CCSER1: variants seen among roughly 807,000 people sequenced by gnomAD.
CCSER1 encodes the protein serine-rich coiled-coil domain-containing protein 1.
A neutral mutation model predicts 82.0 loss-of-function variants in CCSER1; 41 were observed. The observed-to-expected ratio is 0.50, with a 90% CI of 0.39 to 0.65. The LOEUF (loss-of-function observed/expected upper bound fraction) is 0.65, where lower values mean the gene tolerates loss of function less well. Among genes scored for constraint, CCSER1 ranks in the 30% least tolerant of loss-of-function variants. The pLI is 0.00. For synonymous variants in CCSER1, 414 were observed against 383.9 expected, an observed-to-expected ratio of 1.08 and a Z score of -0.92; for missense variants, 1,119 against 1,064.2, an observed-to-expected ratio of 1.05 and a Z score of -0.72.
At chr4:91,406,708 G>T (rs915535182) in intron 10 of CCSER1, among the ~76,000 whole-genome samples, 1 of 152,116 alleles carries the variant, frequency 6.6e-6, no homozygotes, top group Non-Finnish European at 1.5e-5. Flanking sequence ...TAGTTAAAAT[G>T]ATAATATCTT....
chr4:90,479,623 G>A (rs527637570), intron 5 of CCSER1, among the ~76,000 whole-genome samples: 10 of 151,998 alleles, frequency 6.6e-5, no homozygotes, highest in South Asian at 2.1e-4. Flanking sequence ...GAGAATATGC[G>A]GTGTTTGGTT....
intron 1 of CCSER1, among the ~76,000 whole-genome samples, chr4:90,234,095 T>C (rs1253538840): frequency 6.6e-6 from 1 of 152,114 alleles, no homozygotes. Flanking sequence ...ATAATAATAT[T>C]AGGCAGCCTT....
chr4:91,147,800 A>C (rs1729697469), intron 10 of CCSER1, among the ~76,000 whole-genome samples: 1 of 152,242 alleles, frequency 6.6e-6, no homozygotes, highest in Non-Finnish European at 1.5e-5. Context: ...ATAAAAATGT[A>C]CTGTCTGTTA....
At chr4:91,034,400 G>A (rs1741255207) in intron 9 of CCSER1, among the ~76,000 whole-genome samples, 1 of 152,042 alleles carries the variant, frequency 6.6e-6, no homozygotes, top group Non-Finnish European at 1.5e-5. Context: ...AATATGTAAA[G>A]CTTCATCTCA....
chr4:91,599,966 AT>A lies in CCSER1; in HGVS notation c.*910del, dbSNP rs1560793220. ...TTCTTTACTTTCCTTATTTTTTAAA[AT>A]GTTCTTTTTTATGTAAATCCAATTT... On this transcript the variant is annotated 3_prime_UTR_variant, in exon 11 of 11. Coordinates refer to ENST00000509176, the MANE Select transcript of CCSER1 (RefSeq NM_001145065.2). The A allele has an allele frequency of 6.6e-6, 1 of 152,148 alleles. No homozygotes were observed. Among genetic ancestry groups the A allele is most frequent in the Non-Finnish European group, 1.5e-5 (1 of 68,006 alleles). The allele number at this position is 152,148 out of a possible 1,614,324, so 9.4% of individuals were successfully genotyped here.
At chr4:91,413,857 A>T (rs750898406) in intron 10 of CCSER1, among the ~76,000 whole-genome samples, 2 of 152,082 alleles carry the variant, frequency 1.3e-5, no homozygotes, top group East Asian at 3.8e-4. Flanking sequence ...CTCAGCAAAA[A>T]CCTTACAAGC....
chr4:90,869,737 G>A (rs535847733), intron 8 of CCSER1, among the ~76,000 whole-genome samples: 3 of 151,082 alleles, frequency 2.0e-5, no homozygotes, highest in African/African-American at 4.9e-5. Flanking sequence ...TTCTATTTCA[G>A]TGGAAGGTCA....
At chr4:91,110,792 G>T (rs925381600) in intron 10 of CCSER1, among the ~76,000 whole-genome samples, 2 of 151,798 alleles carry the variant, frequency 1.3e-5, no homozygotes, top group Non-Finnish European at 2.9e-5. Context: ...TAAGAGTTGG[G>T]TTTACAGCAA....
chr4:90,150,675 T>A (rs574054170), intron 1 of CCSER1, among the ~76,000 whole-genome samples: 1 of 152,292 alleles, frequency 6.6e-6, no homozygotes, highest in African/African-American at 2.4e-5. Context: ...GTGATCATTT[T>A]ATGTATAGGA....
chr4:90,799,441 T>A (rs1332213600), intron 7 of CCSER1, among the ~76,000 whole-genome samples: 4 of 152,100 alleles, frequency 2.6e-5, no homozygotes, highest in Non-Finnish European at 4.4e-5. Flanking sequence ...GAAGCTACAG[T>A]ATGGGGAGAG....
intron 10 of CCSER1, among the ~76,000 whole-genome samples, chr4:91,454,192 C>T (rs558222341): frequency 3.0e-4 from 45 of 152,188 alleles, no homozygotes; most frequent in Non-Finnish European, 5.9e-4. Context: ...TATTCTCTTA[C>T]AGTTCTGGAA....
At chr4:90,838,468 A>G (rs1762089297) in intron 8 of CCSER1, among the ~76,000 whole-genome samples, 1 of 149,848 alleles carries the variant, frequency 6.7e-6, no homozygotes, top group Admixed American at 6.7e-5. Context: ...GTATTTAAAT[A>G]TAAATATTTC....
chr4:91,235,327 TTTC>T (rs765139110), intron 10 of CCSER1, among the ~76,000 whole-genome samples: 15 of 152,146 alleles, frequency 9.9e-5, no homozygotes, highest in Non-Finnish European at 2.1e-4. Context: ...CCAAGTATCC[TTTC>T]TTCAACTGTA....
At chr4:90,166,140 A>G (rs1224706109) in intron 1 of CCSER1, among the ~76,000 whole-genome samples, 1 of 152,046 alleles carries the variant, frequency 6.6e-6, no homozygotes, top group Non-Finnish European at 1.5e-5. Context: ...CTTTCAGTAC[A>G]GTATTTAATA....
At chr4:90,869,478 T>C (rs1198750067) in intron 8 of CCSER1, among the ~76,000 whole-genome samples, 2 of 152,056 alleles carry the variant, frequency 1.3e-5, no homozygotes, top group Non-Finnish European at 2.9e-5. Flanking sequence ...TAATTTATGT[T>C]CTTGTCACCT....
At chr4:91,551,554 T>G (rs150847702) in intron 10 of CCSER1, among the ~76,000 whole-genome samples, 119 of 152,110 alleles carry the variant, frequency 7.8e-4, no homozygotes, top group Middle Eastern at 6.8e-3. Context: ...AGGGATTTTA[T>G]TAACACCAAT....
chr4:90,944,923 A>G (rs1732049119), intron 9 of CCSER1, among the ~76,000 whole-genome samples: 2 of 152,198 alleles, frequency 1.3e-5, no homozygotes, highest in Non-Finnish European at 2.9e-5. Context: ...CATGAATGGT[A>G]AATCATGTCT....
At chr4:90,616,680 GTCTCAC>G (rs1721271726) in intron 5 of CCSER1, among the ~76,000 whole-genome samples, 1 of 120,882 alleles carries the variant, frequency 8.3e-6, no homozygotes, top group Admixed American at 9.2e-5. Context: ...GTGTGGCTCT[GTCTCAC>G]ACACACACAC....
At chr4:90,649,046 A>G (rs1357667631) in intron 6 of CCSER1, among the ~76,000 whole-genome samples, 1 of 152,216 alleles carries the variant, frequency 6.6e-6, no homozygotes, top group Non-Finnish European at 1.5e-5. Context: ...AACAGGGGCA[A>G]TGCTCCTTGA....
Sources: gnomAD v4.1 joint callset for allele counts (sites outside exome capture counted in the v4.1 genomes callset) on GRCh38, gnomAD v4.1.1 for gene constraint, MANE v1.5 for transcripts, NCBI Gene and HGNC (gene_info 2026-07-23, HGNC 2026-07-21) for gene names.